The following CADM2 variants were observed in gnomAD, a reference collection of about 807,000 sequenced individuals.
CADM2 encodes the protein cell adhesion molecule 2.
In CADM2, 12 loss-of-function variants were observed where a neutral mutation model predicts 49.8. The ratio of observed to expected loss-of-function variants is 0.24; its 90% CI spans 0.15 to 0.39. The LOEUF (loss-of-function observed/expected upper bound fraction) is 0.39, where lower values mean the gene tolerates loss of function less well. Among genes scored for constraint, CADM2 ranks in the 10% least tolerant of loss-of-function variants. The pLI is 1.00. For synonymous variants in CADM2, 214 were observed against 175.4 expected (o/e 1.22, Z -1.74); for missense variants, 378 against 492.3 (o/e 0.77, Z 2.20).
At chr3:85,178,706 G>A (rs11127881) in intron 1 of CADM2, among the ~76,000 whole-genome samples, 9,256 of 151,632 alleles carry the variant, frequency 0.061, 934 homozygotes, top group African/African-American at 0.21. Context: ...ACTACTTGGC[G>A]TTGTTTTTTG....
At chr3:85,554,698 T>C (rs1243563849) in intron 1 of CADM2, among the ~76,000 whole-genome samples, 1 of 151,992 alleles carries the variant, frequency 6.6e-6, no homozygotes, top group Non-Finnish European at 1.5e-5. Context: ...TCATTTTTAT[T>C]TTTATTTTTA....
At chr3:85,992,095 A>C (rs982633958) in intron 8 of CADM2, 3 of 151,820 alleles carry the variant, frequency 2.0e-5, no homozygotes, top group Non-Finnish European at 2.9e-5. Context: ...ATTGTTCATC[A>C]CAGAAAAATT....
chr3:85,333,342 AG>A (rs1267304362), intron 1 of CADM2, among the ~76,000 whole-genome samples: 1 of 151,840 alleles, frequency 6.6e-6, no homozygotes, highest in African/African-American at 2.4e-5. Context: ...GAATACCTTC[AG>A]GTAAGCATTT....
At position 85,598,738 on chromosome 3, in the gene CADM2, A is replaced by G. The variant is rs540653762; in HGVS notation, c.62-127784A>G. The stretch of plus-strand genomic sequence containing the variant: ...CAGAAAAAAAATTTTAAATTCCAGT[A>G]TTCAGTGAATTTACATTCTAGTAAT... On this transcript the variant is annotated intron_variant, in intron 1 of 9. Transcript: ENST00000383699. 9.8e-4 allele frequency among the ~76,000 whole-genome samples: 149 copies of G among 152,078 alleles called. 2 individuals carry two copies. Among genetic ancestry groups the G allele is most frequent in the Non-Finnish European group, 2.6e-4 (18 of 67,940 alleles).
At chr3:85,089,436 T>C (rs2037510665) in intron 1 of CADM2, among the ~76,000 whole-genome samples, 1 of 152,154 alleles carries the variant, frequency 6.6e-6, no homozygotes, top group Non-Finnish European at 1.5e-5. Context: ...CCAAGTCATT[T>C]AAATTCTTTC....
At chr3:85,414,322 C>A (rs1576510119) in intron 1 of CADM2, among the ~76,000 whole-genome samples, 1 of 152,088 alleles carries the variant, frequency 6.6e-6, no homozygotes, top group Non-Finnish European at 1.5e-5. Flanking sequence ...CAAAACTAGA[C>A]TGCAGAAATT....
intron 1 of CADM2, among the ~76,000 whole-genome samples, chr3:85,134,718 A>G (rs1159062274): frequency 6.6e-6 from 1 of 152,180 alleles, no homozygotes; most frequent in African/African-American, 2.4e-5. Flanking sequence ...ATTGTCCACC[A>G]AAGATTATAA....
intron 1 of CADM2, among the ~76,000 whole-genome samples, chr3:85,494,113 A>G (rs1421302844): frequency 2.0e-5 from 3 of 152,126 alleles, no homozygotes; most frequent in African/African-American, 7.2e-5. Flanking sequence ...GGAAAATTCA[A>G]GTTATTCTAA....
intron 1 of CADM2, among the ~76,000 whole-genome samples, chr3:85,530,252 G>A (rs2061268835): frequency 6.7e-6 from 1 of 148,936 alleles, no homozygotes; most frequent in South Asian, 2.2e-4. Flanking sequence ...CGCCATGATT[G>A]TAAACTCCCA....
At chr3:85,572,481 G>T (rs551684216) in intron 1 of CADM2, among the ~76,000 whole-genome samples, 1 of 152,050 alleles carries the variant, frequency 6.6e-6, no homozygotes, top group South Asian at 2.1e-4. Context: ...GAGGGGAGAC[G>T]GGGAAGAGGT....
chr3:85,742,239 A>G (rs916484086), intron 2 of CADM2, among the ~76,000 whole-genome samples: 6 of 152,228 alleles, frequency 3.9e-5, no homozygotes, highest in African/African-American at 9.6e-5. Flanking sequence ...GCCAGGTTGC[A>G]GGCATTGGCC....
At chr3:85,466,267 G>T (rs780995412) in intron 1 of CADM2, among the ~76,000 whole-genome samples, 3 of 152,074 alleles carry the variant, frequency 2.0e-5, no homozygotes, top group Admixed American at 6.6e-5. Context: ...AGTAATTTCA[G>T]ACTAAATTTA....
chr3:85,718,885 A>G (rs1303771671), intron 1 of CADM2, among the ~76,000 whole-genome samples: 1 of 39,428 alleles, frequency 2.5e-5, no homozygotes, highest in African/African-American at 9.9e-5. Flanking sequence ...ATGGTATTTT[A>G]TTATTATTAT....
Position 85,884,109 on chromosome 3 carries a change from T to G in CADM2, c.391+666T>G, listed in dbSNP as rs555162177. Among the ~76,000 whole-genome samples, 7 of 152,308 alleles carry G rather than the reference T, an allele frequency of 4.6e-5. No homozygotes were observed. In the South Asian group the frequency reaches 6.2e-4, roughly 14 times the overall value. On this transcript the variant is annotated intron_variant, in intron 4 of 9. Coordinates refer to ENST00000383699, the MANE Select transcript of CADM2 (RefSeq NM_001167675.2). ...AAAAAAAGCAATACATTCATAGAGA[T>G]TCCGAGGAAATAAAGTTGCAGCTCT...
intron 1 of CADM2, among the ~76,000 whole-genome samples, chr3:85,161,941 G>A (rs2040338936): frequency 6.6e-6 from 1 of 151,924 alleles, no homozygotes; most frequent in Non-Finnish European, 1.5e-5. Flanking sequence ...CCAGGGATGG[G>A]GAGGTTGCAG....
At chr3:85,955,469 T>C (rs1446676384) in intron 7 of CADM2, among the ~76,000 whole-genome samples, 5 of 151,436 alleles carry the variant, frequency 3.3e-5, no homozygotes, top group Non-Finnish European at 7.4e-5. Flanking sequence ...TTATTCCTGT[T>C]AGGAAGCAAG....
At chr3:86,044,684 C>A (rs969277426) in intron 8 of CADM2, among the ~76,000 whole-genome samples, 13 of 152,094 alleles carry the variant, frequency 8.5e-5, no homozygotes, top group Admixed American at 1.3e-4. Context: ...CTAGAAATAC[C>A]ATTTAACCCA....
chr3:85,443,813 C>T (rs923885910), intron 1 of CADM2, among the ~76,000 whole-genome samples: 1 of 152,072 alleles, frequency 6.6e-6, no homozygotes, highest in Non-Finnish European at 1.5e-5. Context: ...CTCTTCCAGC[C>T]TCATAGGTTT....
At chr3:85,332,478 CTT>C (rs1160682851) in intron 1 of CADM2, among the ~76,000 whole-genome samples, 1 of 151,804 alleles carries the variant, frequency 6.6e-6, no homozygotes, top group Non-Finnish European at 1.5e-5. Context: ...TTCCTGGGGG[CTT>C]TGTAGGTTTG....
Sources: allele counts gnomAD v4.1 joint callset (sites outside exome capture counted in the v4.1 genomes callset), GRCh38; gene constraint gnomAD v4.1.1; transcripts MANE v1.5; gene names NCBI Gene and HGNC (gene_info 2026-07-23, HGNC 2026-07-21).